IQGAP2: variants seen among roughly 807,000 people sequenced by gnomAD.
IQGAP2 encodes the protein IQ motif containing GTPase activating protein 2.
In IQGAP2, 173 loss-of-function variants were observed where a neutral mutation model predicts 201.3. The observed-to-expected ratio is 0.86, with a 90% CI of 0.76 to 0.98. The LOEUF (loss-of-function observed/expected upper bound fraction) is 0.98, where lower values mean the gene tolerates loss of function less well. Among genes scored for constraint, IQGAP2 ranks in the 50% least tolerant of loss-of-function variants. IQGAP2 has a pLI of 0.00. For missense variants in IQGAP2, 1,687 were observed against 1,864.8 expected, an observed-to-expected ratio of 0.90 and a Z score of 1.76; for synonymous variants, 675 against 673.9, an observed-to-expected ratio of 1.00 and a Z score of -0.03.
chr5:76,601,269 C>T (rs1370807788), intron 11 of IQGAP2, among the ~76,000 whole-genome samples: 1 of 152,196 alleles, frequency 6.6e-6, no homozygotes, highest in Non-Finnish European at 1.5e-5. Context: ...TTTCCTTGGG[C>T]GTCTTTTGGA....
chr5:76,522,383 A>G (rs2150196390), intron 2 of IQGAP2, among the ~76,000 whole-genome samples: 1 of 152,108 alleles, frequency 6.6e-6, no homozygotes, highest in East Asian at 1.9e-4. Flanking sequence ...GAGTTTCGCC[A>G]TGTTGGCCAG....
At chr5:76,615,225 T>C (rs1748831062) in intron 13 of IQGAP2, among the ~76,000 whole-genome samples, 1 of 152,236 alleles carries the variant, frequency 6.6e-6, no homozygotes, top group South Asian at 2.1e-4. Context: ...AAAAACTGTG[T>C]GCTTTTAACG....
intron 21 of IQGAP2, among the ~76,000 whole-genome samples, chr5:76,664,512 G>A (rs1165445615): frequency 6.6e-6 from 1 of 152,106 alleles, no homozygotes; most frequent in Admixed American, 6.5e-5. Flanking sequence ...GTGAAACCCC[G>A]TCTCTACTAA....
chr5:76,576,258 C>A (rs550930637), intron 5 of IQGAP2, among the ~76,000 whole-genome samples: 1 of 151,964 alleles, frequency 6.6e-6, no homozygotes, highest in South Asian at 2.1e-4. Context: ...GAATTTGTAC[C>A]CTAAGGATAA....
At chr5:76,689,230 T>A (rs1195670599) in intron 30 of IQGAP2, among the ~76,000 whole-genome samples, 35 of 86,488 alleles carry the variant, frequency 4.0e-4, no homozygotes, top group African/African-American at 8.5e-4. Flanking sequence ...CAGGGATATT[T>A]AAAAAAAAAA....
intron 5 of IQGAP2, among the ~76,000 whole-genome samples, chr5:76,580,436 GAACAA>G (rs368221905): frequency 0.04 from 6,114 of 152,028 alleles, 173 homozygotes; most frequent in Middle Eastern, 0.065. Flanking sequence ...CCGTCTCAAA[GAACAA>G]AACAAAACAA....
rs1311157900 is a variant in IQGAP2, at chr5:76,678,074, C to A, written c.3660+724C>A. Reference sequence around the variant, plus strand: ...CCCTGTCTCTCCCCTCTTCCAGGAACCCTCTCAGCTTTTCCAGTAATTTTC... The same window carrying A: ...CCCTGTCTCTCCCCTCTTCCAGGAAACCTCTCAGCTTTTCCAGTAATTTTC... On this transcript the variant is annotated intron_variant, in intron 28 of 35. Coordinates refer to ENST00000274364, the MANE Select transcript of IQGAP2 (RefSeq NM_006633.5). 9.8e-5 allele frequency among the ~76,000 whole-genome samples: 15 copies of A among 152,314 alleles called. No homozygotes were observed. In the East Asian group the frequency reaches 2.9e-3, roughly 29 times the overall value.
At position 76,403,549 on chromosome 5, in the gene IQGAP2, C is replaced by T. The variant is rs866808149; in HGVS notation, c.4C>T (p.Pro2Ser). The change falls in exon 1 of 36, where the codon CCA becomes TCA. Residue 2 changes from proline (P) to serine (S), a missense_variant. By Grantham distance (74) the Pro-to-Ser change is moderately conservative. Coordinates refer to ENST00000274364, the MANE Select transcript of IQGAP2 (RefSeq NM_006633.5). The surrounding 1 kb of genome is among the most constrained non-coding windows in gnomAD (Gnocchi z 4.8). ...CGGGCCCCCGGAGACGCGCAGGATG[C>T]CACACGAAGAGCTGCCGTCGCTGCA... M[P>S]HEELPSLQRP... The T allele has an allele frequency of 2.0e-6, 3 of 1,530,058 alleles. No homozygotes were observed. Among genetic ancestry groups the T allele is most frequent in the Non-Finnish European group, 8.7e-7 (1 of 1,145,216 alleles). 94.8% of individuals were successfully genotyped at this position (1,530,058 alleles called of 1,614,324 possible). A position where few individuals can be genotyped will look rare whatever the true frequency, so the allele number is the denominator to read the frequency against.
intron 21 of IQGAP2, among the ~76,000 whole-genome samples, chr5:76,660,823 T>C (rs1287820975): frequency 6.6e-6 from 1 of 152,180 alleles, no homozygotes; most frequent in Non-Finnish European, 1.5e-5. Flanking sequence ...AATTGAAGCT[T>C]TATTTATAGT....
chr5:76,560,423 C>T (rs556097921), intron 2 of IQGAP2, among the ~76,000 whole-genome samples: 1 of 152,036 alleles, frequency 6.6e-6, no homozygotes, highest in South Asian at 2.1e-4. Context: ...TCCCAAAGTG[C>T]TGGAATTACA....
intron 33 of IQGAP2, among the ~76,000 whole-genome samples, chr5:76,700,365 G>A (rs1189073145): frequency 6.6e-6 from 1 of 152,146 alleles, no homozygotes; most frequent in African/African-American, 2.4e-5. Flanking sequence ...AAATTCGCCG[G>A]ATGTGGTGGC....
At chr5:76,415,013 A>G (rs908248097) in intron 1 of IQGAP2, among the ~76,000 whole-genome samples, 1 of 152,260 alleles carries the variant, frequency 6.6e-6, no homozygotes, top group African/African-American at 2.4e-5. Flanking sequence ...AGGGAGGGAC[A>G]TCCTCATCCT....
At chr5:76,437,292 A>G (rs955621647) in intron 1 of IQGAP2, among the ~76,000 whole-genome samples, 2 of 152,110 alleles carry the variant, frequency 1.3e-5, no homozygotes, top group African/African-American at 2.4e-5. Context: ...AGCTCAGGCA[A>G]TCTGCCCACC....
intron 3 of IQGAP2, among the ~76,000 whole-genome samples, chr5:76,566,791 AG>A (rs1177687358): frequency 4.6e-5 from 7 of 152,032 alleles, no homozygotes; most frequent in Admixed American, 6.5e-5. Context: ...AAATGGATGG[AG>A]GGCCATGAGA....
At position 76,403,445 on chromosome 5, in the gene IQGAP2, G is replaced by T; in HGVS notation, c.-101G>T. ...GGCGGCTAGGGGAAATCGGCGAGAG[G>T]CGGGATCCGAGCGCGCCGGCGGGGC... On this transcript the variant is annotated 5_prime_UTR_variant, in exon 1 of 36. Coordinates refer to ENST00000274364, the MANE Select transcript of IQGAP2 (RefSeq NM_006633.5). The surrounding 1 kb of genome is among the most constrained non-coding windows in gnomAD (Gnocchi z 4.8). 1 of 883,088 alleles carries T rather than the reference G, an allele frequency of 1.1e-6. No individual in the cohort carries two copies. The highest frequency in any genetic ancestry group is 3.4e-5 in the East Asian group (1 of 29,054). The allele number at this position is 883,088 out of a possible 1,614,324, so 54.7% of individuals were successfully genotyped here.
At chr5:76,492,660 CTT>C in intron 2 of IQGAP2, among the ~76,000 whole-genome samples, 1 of 152,088 alleles carries the variant, frequency 6.6e-6, no homozygotes, top group Non-Finnish European at 1.5e-5. Flanking sequence ...GGTTTTGTAA[CTT>C]TGAAGAAATG....
At chr5:76,699,719 T>TTC (rs557554396) in intron 33 of IQGAP2, among the ~76,000 whole-genome samples, 1 of 20,460 alleles carries the variant, frequency 4.9e-5, no homozygotes, top group Non-Finnish European at 9.1e-5. Context: ...TTCTCTCTGT[T>TTC]TCTCTCTCTC....
At chr5:76,584,669 G>A (rs1237245924) in intron 5 of IQGAP2, among the ~76,000 whole-genome samples, 1 of 152,190 alleles carries the variant, frequency 6.6e-6, no homozygotes, top group Non-Finnish European at 1.5e-5. Context: ...AAGGAACAGA[G>A]AGTCCCCAGT....
chr5:76,558,817 C>G (rs925043719), intron 2 of IQGAP2, among the ~76,000 whole-genome samples: 1 of 152,136 alleles, frequency 6.6e-6, no homozygotes, highest in African/African-American at 2.4e-5. Context: ...GCAGTCACAC[C>G]ACCACTATGT....
Sources: allele counts gnomAD v4.1 joint callset (sites outside exome capture counted in the v4.1 genomes callset), GRCh38; gene constraint gnomAD v4.1.1; non-coding constraint Gnocchi (gnomAD v3.1); transcripts MANE v1.5; gene names NCBI Gene and HGNC (gene_info 2026-07-23, HGNC 2026-07-21).